IRF2: variants seen among roughly 807,000 people sequenced by gnomAD.
The protein encoded by IRF2 is interferon regulatory factor 2.
IRF2 carries 15 observed loss-of-function variants against 40.6 expected under a neutral mutation model. The ratio of observed to expected loss-of-function variants is 0.37; its 90% CI spans 0.25 to 0.57. The LOEUF (loss-of-function observed/expected upper bound fraction) is 0.57, where lower values mean the gene tolerates loss of function less well. Among genes scored for constraint, IRF2 ranks in the 20% least tolerant of loss-of-function variants. IRF2 has a pLI of 0.77. For missense variants in IRF2, 317 were observed against 455.7 expected (o/e 0.70, Z 2.77); for synonymous variants, 151 against 165.5 (o/e 0.91, Z 0.67).
At chr4:184,392,701 C>T (rs1579788265) in intron 7 of IRF2, among the ~76,000 whole-genome samples, 1 of 152,296 alleles carries the variant, frequency 6.6e-6, no homozygotes, top group East Asian at 1.9e-4. Flanking sequence ...GGCAAAAGAA[C>T]AAATGGACAA....
At chr4:184,418,077 T>G (rs907070203) in intron 5 of IRF2, 90 bp downstream of exon 5, 26 of 927,868 alleles carry the variant, frequency 2.8e-5, no homozygotes, top group Non-Finnish European at 4.5e-5. Flanking sequence ...GAGGACACAC[T>G]GAGGTCCTGT....
At chr4:184,447,348 GAATA>G (rs1026503980) in intron 1 of IRF2, among the ~76,000 whole-genome samples, 1 of 152,126 alleles carries the variant, frequency 6.6e-6, no homozygotes, top group African/African-American at 2.4e-5. Context: ...TGGAATCTAC[GAATA>G]AATAAATAGG....
chr4:184,455,351 C>T (rs1738885717), intron 1 of IRF2, among the ~76,000 whole-genome samples: 1 of 126,072 alleles, frequency 7.9e-6, no homozygotes, highest in Non-Finnish European at 1.6e-5. Context: ...CCCCATGTTG[C>T]CCAGGCTGGT....
At chr4:184,397,200 A>G (rs1736498896) in intron 7 of IRF2, among the ~76,000 whole-genome samples, 1 of 152,224 alleles carries the variant, frequency 6.6e-6, no homozygotes, top group Non-Finnish European at 1.5e-5. Context: ...CCTAGCATAA[A>G]TGCACACTAG....
intron 1 of IRF2, among the ~76,000 whole-genome samples, chr4:184,451,095 T>G (rs1206233438): frequency 3.3e-5 from 5 of 152,214 alleles, no homozygotes; most frequent in Non-Finnish European, 7.3e-5. Context: ...ACGTGAGAAG[T>G]TGAAAAGCAC....
At chr4:184,431,451 A>G (rs1737873962) in intron 1 of IRF2, among the ~76,000 whole-genome samples, 1 of 152,172 alleles carries the variant, frequency 6.6e-6, no homozygotes, top group Non-Finnish European at 1.5e-5. Context: ...AGTGCTGGGA[A>G]AAGCTGTGCA....
At chr4:184,457,785 C>T (rs1164563562) in intron 1 of IRF2, among the ~76,000 whole-genome samples, 1 of 151,968 alleles carries the variant, frequency 6.6e-6, no homozygotes, top group Non-Finnish European at 1.5e-5. Flanking sequence ...CTGCTGCTAA[C>T]AGTCATTAGC....
intron 1 of IRF2, among the ~76,000 whole-genome samples, chr4:184,451,880 A>G (rs1030125104): frequency 6.6e-6 from 1 of 152,190 alleles, no homozygotes; most frequent in African/African-American, 2.4e-5. Context: ...TTAAAAATAC[A>G]AATCCCCCAT....
intron 1 of IRF2, among the ~76,000 whole-genome samples, chr4:184,430,114 A>T (rs1016934135): frequency 6.6e-6 from 1 of 152,132 alleles, no homozygotes; most frequent in African/African-American, 2.4e-5. Context: ...TTGAGCTCTG[A>T]AAATTCTATT....
In IRF2 at chr4:184,388,933, A is replaced by T; in HGVS notation, c.875T>A (p.Ile292Asn). The change falls in exon 9 of 9, where the codon ATC becomes AAC. Residue 292 changes from isoleucine to asparagine, a missense_variant. Coordinates refer to ENST00000393593, the MANE Select transcript of IRF2 (RefSeq NM_002199.4). This position sits in a 1 kb window ranked among gnomAD's most constrained non-coding sequence, Gnocchi z 4.6. ...TSNKPDLQVT[I>N]KEESNPVPYN... ...AGGCACCGGATTGCTCTCCTCTTTGATGGTGACCTGGAGGTCCGGTTTGTT... is the reference window on the plus strand; with the variant it reads ...AGGCACCGGATTGCTCTCCTCTTTGTTGGTGACCTGGAGGTCCGGTTTGTT... 1 of 1,614,134 alleles carries T rather than the reference A, an allele frequency of 6.2e-7. No individual in the cohort carries two copies. Among genetic ancestry groups the T allele is most frequent in the Non-Finnish European group, 8.5e-7 (1 of 1,180,016 alleles).
At chr4:184,419,114 G>A (rs555184613) in intron 3 of IRF2, among the ~76,000 whole-genome samples, 2 of 152,282 alleles carry the variant, frequency 1.3e-5, no homozygotes, top group South Asian at 2.1e-4. Context: ...AGCTCCCTAC[G>A]TAAAGGTTGT....
intron 7 of IRF2, among the ~76,000 whole-genome samples, chr4:184,398,335 A>G (rs186185794): frequency 4.0e-4 from 61 of 152,316 alleles, no homozygotes; most frequent in African/African-American, 1.4e-3. Flanking sequence ...ACTGCCCTAA[A>G]GAAATCTTAT....
chr4:184,406,508 A>G (rs911440242), intron 6 of IRF2, among the ~76,000 whole-genome samples: 4 of 152,182 alleles, frequency 2.6e-5, no homozygotes, highest in Non-Finnish European at 5.9e-5. Context: ...GATTACAGGC[A>G]TGAGCCACCG....
chr4:184,469,222 C>T lies in IRF2; in HGVS notation c.-7+5157G>A, dbSNP rs183096423. Among the ~76,000 whole-genome samples, 233 of 152,268 alleles carry T rather than the reference C, an allele frequency of 1.5e-3. 4 individuals carry two copies. In the Middle Eastern group the frequency reaches 0.027, roughly 18 times the overall value. On this transcript the variant is annotated intron_variant, in intron 1 of 8. Transcript: ENST00000393593. ...AGTTTCAGTGCCTCAGAAAGCCTAACGGGATGGTGAGTTTCTCTCACACGG... is the reference window on the plus strand; with the variant it reads ...AGTTTCAGTGCCTCAGAAAGCCTAATGGGATGGTGAGTTTCTCTCACACGG...
chr4:184,460,643 A>ACG (rs1561128350), intron 1 of IRF2, among the ~76,000 whole-genome samples: 1 of 133,868 alleles, frequency 7.5e-6, no homozygotes, highest in African/African-American at 3.0e-5. Context: ...GCATGCACGC[A>ACG]CACACACACA....
At chr4:184,428,427 G>A (rs1041330569) in intron 2 of IRF2, among the ~76,000 whole-genome samples, 1 of 152,210 alleles carries the variant, frequency 6.6e-6, no homozygotes, top group African/African-American at 2.4e-5. Context: ...AGGAGCTTTC[G>A]AGAGGCAGTC....
At chr4:184,417,802 G>A (rs1034423545) in intron 5 of IRF2, among the ~76,000 whole-genome samples, 5 of 152,128 alleles carry the variant, frequency 3.3e-5, no homozygotes, top group African/African-American at 9.7e-5. Flanking sequence ...ACATATTAAA[G>A]TATACTTAAT....
chr4:184,399,553 T>C lies in IRF2; in HGVS notation c.530-474A>G, dbSNP rs75729740. ...AAACCTTACTAAAGAGGAAGGGCCA[T>C]GAAAATCTACCCAATTGTGTCACAT... is the stretch of plus-strand genomic sequence containing the variant. On this transcript the variant is annotated intron_variant, in intron 6 of 8. Transcript: ENST00000393593. 7.3e-3 allele frequency among the ~76,000 whole-genome samples: 1,111 copies of C among 152,338 alleles called. 24 individuals carry two copies. Among genetic ancestry groups the C allele is most frequent in the African/African-American group, 0.025 (1,051 of 41,560 alleles).
intron 1 of IRF2, among the ~76,000 whole-genome samples, chr4:184,461,073 G>A (rs1056925908): frequency 1.3e-5 from 2 of 152,090 alleles, no homozygotes; most frequent in Non-Finnish European, 2.9e-5. Context: ...TCACTTTACC[G>A]CGGGGGGCAG....
Sources: allele counts gnomAD v4.1 joint callset (sites outside exome capture counted in the v4.1 genomes callset), GRCh38; gene constraint gnomAD v4.1.1; non-coding constraint Gnocchi (gnomAD v3.1); transcripts MANE v1.5; gene names NCBI Gene and HGNC (gene_info 2026-07-23, HGNC 2026-07-21).